DCLK1: variants seen among roughly 807,000 people sequenced by gnomAD.
The protein encoded by DCLK1 is doublecortin like kinase 1, also known as serine/threonine-protein kinase DCLK1.
DCLK1 carries 16 observed loss-of-function variants against 86.2 expected under a neutral mutation model. The observed-to-expected ratio is 0.19, with a 90% confidence interval of 0.13 to 0.28. DCLK1 has a LOEUF of 0.28. Ranked by LOEUF, DCLK1 falls within the 10% of genes least tolerant of loss-of-function variation. DCLK1 has a pLI of 1.00. For synonymous variants in DCLK1, 369 were observed against 370.5 expected, an observed-to-expected ratio of 1.00 and a Z score of 0.05; for missense variants, 590 against 940.2, an observed-to-expected ratio of 0.63 and a Z score of 4.87.
Position 35,954,533 on chromosome 13 carries a change from G to T in DCLK1, c.724-7076C>A, listed in dbSNP as rs916657123. Among the ~76,000 whole-genome samples the T allele has an allele frequency of 3.3e-5, 5 of 152,188 alleles. No homozygotes were observed. The South Asian group carries it at 1.0e-3, about 32-fold the overall frequency. On this transcript the variant is annotated intron_variant, in intron 3 of 16. Coordinates refer to ENST00000360631, the MANE Select transcript of DCLK1 (RefSeq NM_001330071.2). ...TGGTTCTAAAATATGTTTACAATCA[G>T]TTTTATAGCCAAATATTAGAAGCGT...
chr13:35,802,663 GA>G (rs1490503803), intron 15 of DCLK1, among the ~76,000 whole-genome samples: 1 of 152,024 alleles, frequency 6.6e-6, no homozygotes, highest in East Asian at 1.9e-4. Context: ...CAAAAACCAT[GA>G]AAAAAGCCAC....
intron 6 of DCLK1, among the ~76,000 whole-genome samples, chr13:35,839,678 G>A (rs1869648945): frequency 6.6e-6 from 1 of 152,140 alleles, no homozygotes; most frequent in South Asian, 2.1e-4. Flanking sequence ...TAAAGAGTGG[G>A]GTTGTCATTT....
At chr13:35,942,603 A>T (rs1162541920) in intron 4 of DCLK1, among the ~76,000 whole-genome samples, 2 of 152,252 alleles carry the variant, frequency 1.3e-5, no homozygotes, top group Non-Finnish European at 2.9e-5. Flanking sequence ...CTGATGGGAC[A>T]ATCCTAATAG....
At chr13:36,030,318 C>T (rs189450846) in intron 3 of DCLK1, among the ~76,000 whole-genome samples, 9 of 151,990 alleles carry the variant, frequency 5.9e-5, no homozygotes, top group Admixed American at 2.0e-4. Context: ...TTTTTTGAGA[C>T]GGAGTTTTGC....
chr13:36,033,040 T>C (rs908718325), intron 3 of DCLK1, among the ~76,000 whole-genome samples: 18 of 152,278 alleles, frequency 1.2e-4, no homozygotes, highest in Middle Eastern at 3.4e-3. Flanking sequence ...AGGACTGATA[T>C]ACAAAACACA....
At chr13:36,086,892 C>A (rs573900266) in intron 3 of DCLK1, among the ~76,000 whole-genome samples, 1 of 152,224 alleles carries the variant, frequency 6.6e-6, no homozygotes, top group African/African-American at 2.4e-5. Flanking sequence ...TGGGTTGGTT[C>A]CAAGTCTTTG....
intron 4 of DCLK1, among the ~76,000 whole-genome samples, chr13:35,937,308 G>A (rs1229768467): frequency 6.6e-6 from 1 of 151,990 alleles, no homozygotes; most frequent in Non-Finnish European, 1.5e-5. Context: ...GTTCTTGGCC[G>A]AGAGAGTTTG....
intron 3 of DCLK1, among the ~76,000 whole-genome samples, chr13:36,073,898 T>G (rs947204969): frequency 6.6e-6 from 1 of 152,194 alleles, no homozygotes; most frequent in African/African-American, 2.4e-5. Flanking sequence ...TATAAAGTCA[T>G]GTTCAAAAAT....
chr13:35,958,188 AC>A, intron 3 of DCLK1, among the ~76,000 whole-genome samples: 1 of 149,188 alleles, frequency 6.7e-6, no homozygotes, highest in Non-Finnish European at 1.5e-5. Context: ...TATAACCACC[AC>A]TACCACCACC....
At chr13:36,128,510 G>A (rs149670987) in intron 1 of DCLK1, among the ~76,000 whole-genome samples, 1 of 152,228 alleles carries the variant, frequency 6.6e-6, no homozygotes, top group East Asian at 1.9e-4. Context: ...CCACATAACT[G>A]ATCCAGACCT....
Position 35,848,088 on chromosome 13 carries a change from G to A in DCLK1, c.1035+6411C>T, listed in dbSNP as rs1870343734. The A allele has an allele frequency of 4.1e-6, 4 of 985,180 alleles. No individual in the cohort carries two copies. The South Asian group carries it at 1.9e-4, about 46-fold the overall frequency. The allele number at this position is 985,180 out of a possible 1,614,324, so 61.0% of individuals were successfully genotyped here. ...GAAAAAAGTGAGTGCAAGTGAAAAA[G>A]TATCGAACTTTGAACTACAGCACGA... On this transcript the variant is annotated intron_variant, in intron 6 of 16. Transcript: ENST00000360631.
chr13:35,858,228 G>C (rs1871186721), intron 5 of DCLK1, among the ~76,000 whole-genome samples: 2 of 152,036 alleles, frequency 1.3e-5, no homozygotes, highest in East Asian at 3.9e-4. Flanking sequence ...ATGGGGTGGA[G>C]GTAAACGGAA....
At chr13:36,125,629 G>A in intron 2 of DCLK1, 133 bp downstream of exon 2, 3 of 1,310,744 alleles carry the variant, frequency 2.3e-6, no homozygotes, top group Non-Finnish European at 3.1e-6. Flanking sequence ...ACATTCGTAT[G>A]TCTGAAACTA....
rs151159762 is a variant in DCLK1, at chr13:35,990,747, A to G, written c.724-43290T>C. ...CCAAGCTCATTTTGAACTCCAAGCA[A>G]GACTTAAAATGTTACTATTTTTGTT... On this transcript the variant is annotated intron_variant, in intron 3 of 16. Coordinates refer to ENST00000360631, the MANE Select transcript of DCLK1 (RefSeq NM_001330071.2). Among the ~76,000 whole-genome samples, 369 of 152,228 alleles carry G rather than the reference A, an allele frequency of 2.4e-3. 3 individuals are homozygous for G. The highest frequency in any genetic ancestry group is 8.5e-3 in the African/African-American group (355 of 41,536).
intron 4 of DCLK1, among the ~76,000 whole-genome samples, chr13:35,890,960 G>A (rs927922332): frequency 6.9e-6 from 1 of 145,948 alleles, no homozygotes; most frequent in African/African-American, 2.5e-5. Flanking sequence ...GACACATTTT[G>A]TACAAACAGC....
intron 3 of DCLK1, among the ~76,000 whole-genome samples, chr13:36,014,037 G>C (rs890608586): frequency 6.6e-6 from 1 of 152,190 alleles, no homozygotes; most frequent in Non-Finnish European, 1.5e-5. Context: ...GTGCTTCCCA[G>C]GTGAGGCAAT....
intron 13 of DCLK1, among the ~76,000 whole-genome samples, chr13:35,808,802 AAAAG>A (rs962010421): frequency 4.6e-5 from 7 of 152,148 alleles, no homozygotes; most frequent in Non-Finnish European, 5.9e-5. Context: ...GAAAAAAAAA[AAAAG>A]AAAGAATGAG....
At chr13:35,915,981 C>G (rs1029343618) in intron 4 of DCLK1, among the ~76,000 whole-genome samples, 2 of 152,088 alleles carry the variant, frequency 1.3e-5, no homozygotes, top group African/African-American at 2.4e-5. Context: ...TTAAACAAAT[C>G]AAGGAAATTT....
chr13:36,062,106 T>C (rs1883572246), intron 3 of DCLK1, among the ~76,000 whole-genome samples: 1 of 152,212 alleles, frequency 6.6e-6, no homozygotes, highest in South Asian at 2.1e-4. Context: ...GGTTTTTATA[T>C]AAATAAATGT....
Sources: allele counts gnomAD v4.1 joint callset (sites outside exome capture counted in the v4.1 genomes callset), GRCh38; gene constraint gnomAD v4.1.1; transcripts MANE v1.5; gene names NCBI Gene and HGNC (gene_info 2026-07-23, HGNC 2026-07-21).